The following CDH13 variants were observed in gnomAD, a reference collection of about 807,000 sequenced individuals.
CDH13 encodes the protein cadherin-13.
Under a neutral mutation model 63.8 loss-of-function variants are expected in CDH13, and 24 were observed. The observed-to-expected ratio is 0.38, with a 90% confidence interval of 0.27 to 0.53. The LOEUF is 0.53. CDH13 is among the 20% of genes least tolerant of loss of function. CDH13 has a pLI of 0.85. For missense variants in CDH13, 1,049 were observed against 903.1 expected, an observed-to-expected ratio of 1.16 and a Z score of -2.07; for synonymous variants, 503 against 355.3, an observed-to-expected ratio of 1.42 and a Z score of -4.67.
At position 83,783,371 on chromosome 16, in the gene CDH13, A is replaced by T; in HGVS notation, c.2033A>T (p.Gln678Leu). ...ACGAATATCACAGATCTCAGGGTAC[A>T]AGTGTGCTCCTGCAGGAATTCCAAA... ...PMTNITDLRV[Q>L]VCSCRNSKVD... Residue 678 changes from glutamine to leucine, a missense_variant, in exon 13 of 14, where the codon CAA becomes CTA. By Grantham distance (113) the Gln-to-Leu change is moderately radical. Coordinates refer to ENST00000567109, the MANE Select transcript of CDH13 (RefSeq NM_001257.5). 1 of 1,613,958 alleles carries T rather than the reference A, an allele frequency of 6.2e-7. No individual in the cohort carries two copies. The highest frequency in any genetic ancestry group is 8.5e-7 in the Non-Finnish European group (1 of 1,179,870).
Position 83,556,324 on chromosome 16 carries a change from A to G in CDH13, c.961-46130A>G, listed in dbSNP as rs113706940. Among the ~76,000 whole-genome samples the G allele has an allele frequency of 6.6e-5, 10 of 152,354 alleles. 1 individual carries two copies. The highest frequency in any genetic ancestry group is 2.4e-4 in the African/African-American group (10 of 41,578). On this transcript the variant is annotated intron_variant, in intron 7 of 13. Transcript: ENST00000567109. ...GTAAGGGAGATTCTGCAAAGATAGT[A>G]TGAGGAAGCAGGAGGAGGAGGCAAA...
intron 1 of CDH13, among the ~76,000 whole-genome samples, chr16:82,763,844 A>C (rs2034947414): frequency 6.6e-6 from 1 of 152,114 alleles, no homozygotes; most frequent in Admixed American, 6.5e-5. Flanking sequence ...CACCACGCCC[A>C]GGTAATTTTT....
In CDH13 at chr16:82,824,831, G is replaced by C. The variant is rs796484468; in HGVS notation, c.46-33531G>C. The C allele has an allele frequency of 3.9e-5, 6 of 152,182 alleles. No individual in the cohort carries two copies. In the South Asian group the frequency reaches 1.0e-3, roughly 26 times the overall value. 9.4% of individuals were successfully genotyped at this position (152,182 alleles called of 1,614,324 possible). The stretch of plus-strand genomic sequence containing the variant: ...TTAAAAATAGACTGCAAAAAAATTT[G>C]TTAGAATAATATGAACAAAGACTAG... On this transcript the variant is annotated intron_variant, in intron 1 of 13. Coordinates refer to ENST00000567109, the MANE Select transcript of CDH13 (RefSeq NM_001257.5).
chr16:82,995,617 A>G (rs575807555), intron 2 of CDH13, among the ~76,000 whole-genome samples: 2 of 152,258 alleles, frequency 1.3e-5, no homozygotes, highest in Non-Finnish European at 2.9e-5. Flanking sequence ...TTTGCTTTAA[A>G]CTACTGAATC....
At chr16:83,096,637 G>A (rs1050810629) in intron 3 of CDH13, among the ~76,000 whole-genome samples, 6 of 152,188 alleles carry the variant, frequency 3.9e-5, no homozygotes, top group African/African-American at 1.2e-4. Flanking sequence ...TTCCAGTCGT[G>A]TGTCAATGCA....
chr16:82,840,906 C>A (rs1236491738), intron 1 of CDH13, among the ~76,000 whole-genome samples: 1 of 152,086 alleles, frequency 6.6e-6, no homozygotes, highest in African/African-American at 2.4e-5. Context: ...AACTCAGGTG[C>A]TTGGCAAGGT....
At chr16:83,266,114 T>G (rs1248816736) in intron 5 of CDH13, among the ~76,000 whole-genome samples, 1 of 152,106 alleles carries the variant, frequency 6.6e-6, no homozygotes, top group African/African-American at 2.4e-5. Flanking sequence ...TTTTTGTGTT[T>G]TTAGTAGAGA....
chr16:83,045,830 C>A (rs1394747380), intron 3 of CDH13, among the ~76,000 whole-genome samples: 3 of 152,160 alleles, frequency 2.0e-5, no homozygotes, highest in Admixed American at 6.5e-5. Flanking sequence ...TTCCACCCAG[C>A]ACATGGGATG....
chr16:83,021,748 T>G (rs1163409801), intron 2 of CDH13, among the ~76,000 whole-genome samples: 1 of 152,198 alleles, frequency 6.6e-6, no homozygotes, highest in African/African-American at 2.4e-5. Flanking sequence ...GGAAGTGAAA[T>G]TCACTCCTGG....
intron 2 of CDH13, among the ~76,000 whole-genome samples, chr16:83,031,265 C>T: frequency 6.8e-6 from 1 of 146,390 alleles, no homozygotes; most frequent in African/African-American, 2.5e-5. Flanking sequence ...ACACCATATA[C>T]ATGCGCATGT....
intron 1 of CDH13, among the ~76,000 whole-genome samples, chr16:82,842,287 G>A (rs1325106840): frequency 5.3e-5 from 8 of 151,442 alleles, no homozygotes; most frequent in Non-Finnish European, 1.0e-4. Context: ...GGGTAGCTCA[G>A]TCTTGAGACA....
chr16:82,986,395 A>C (rs752527256), intron 2 of CDH13, among the ~76,000 whole-genome samples: 11 of 152,174 alleles, frequency 7.2e-5, no homozygotes, highest in Non-Finnish European at 1.3e-4. Context: ...TGTGTATATA[A>C]AAGTCATTGT....
At chr16:83,575,413 C>G (rs1388281750) in intron 7 of CDH13, among the ~76,000 whole-genome samples, 3 of 152,188 alleles carry the variant, frequency 2.0e-5, no homozygotes. Flanking sequence ...GGTTAAATCA[C>G]CACCGCAGGG....
intron 2 of CDH13, among the ~76,000 whole-genome samples, chr16:82,891,035 G>C (rs1055179693): frequency 1.1e-5 from 1 of 91,660 alleles, no homozygotes; most frequent in South Asian, 4.1e-4. Context: ...TCATAGAGGA[G>C]GGTTTTTTTT....
intron 5 of CDH13, among the ~76,000 whole-genome samples, chr16:83,224,809 A>G (rs4347612): frequency 1 from 151,631 of 152,338 alleles, 75,468 homozygotes; most frequent in Middle Eastern, 1. Flanking sequence ...CAGTGTTATC[A>G]TTAGTGGGTG....
At chr16:82,709,178 C>T (rs1176411871) in intron 1 of CDH13, among the ~76,000 whole-genome samples, 11 of 152,192 alleles carry the variant, frequency 7.2e-5, no homozygotes, top group Non-Finnish European at 1.2e-4. Context: ...TGAATACGCC[C>T]TTAGCAGTTC....
chr16:83,227,192 C>G (rs137937587), intron 5 of CDH13, among the ~76,000 whole-genome samples: 281 of 152,350 alleles, frequency 1.8e-3, no homozygotes, highest in African/African-American at 5.4e-3. Context: ...AGCACCACAG[C>G]TATGGGAACA....
chr16:83,692,505 G>T (rs921193761), intron 10 of CDH13, among the ~76,000 whole-genome samples: 1 of 152,128 alleles, frequency 6.6e-6, no homozygotes, highest in African/African-American at 2.4e-5. Flanking sequence ...CGTCTGTCCC[G>T]GTTTCTTTCC....
intron 1 of CDH13, among the ~76,000 whole-genome samples, chr16:82,751,239 C>T (rs968755731): frequency 6.6e-5 from 10 of 152,170 alleles, no homozygotes; most frequent in Non-Finnish European, 1.3e-4. Context: ...TTGCATAGGG[C>T]CCTGTGCTTA....
Sources: allele counts gnomAD v4.1 joint callset (sites outside exome capture counted in the v4.1 genomes callset), GRCh38; gene constraint gnomAD v4.1.1; transcripts MANE v1.5; gene names NCBI Gene and HGNC (gene_info 2026-07-23, HGNC 2026-07-21).